PDZD8: variants seen among roughly 807,000 people sequenced by gnomAD.
PDZD8 encodes PDZ domain-containing protein 8.
A neutral mutation model predicts 85.8 loss-of-function variants in PDZD8; 14 were observed. The ratio of observed to expected loss-of-function variants is 0.16; its 90% confidence interval spans 0.11 to 0.26. The LOEUF is 0.26. Ranked by LOEUF, PDZD8 falls within the 10% of genes least tolerant of loss-of-function variation. The pLI, the probability that PDZD8 is intolerant of heterozygous loss-of-function variation, is 1.00. For missense variants in PDZD8, 1,197 were observed against 1,424.3 expected, an observed-to-expected ratio of 0.84 and a Z score of 2.57; for synonymous variants, 592 against 568.6, an observed-to-expected ratio of 1.04 and a Z score of -0.59.
At chr10:117,319,904 C>G (rs1040868367) in intron 2 of PDZD8, among the ~76,000 whole-genome samples, 12 of 151,944 alleles carry the variant, frequency 7.9e-5, no homozygotes, top group Non-Finnish European at 1.3e-4. Context: ...CTATGAAGAT[C>G]ATGAGGTAGT....
chr10:117,370,204 T>C (rs1845164578), intron 1 of PDZD8, among the ~76,000 whole-genome samples: 1 of 152,198 alleles, frequency 6.6e-6, no homozygotes, highest in African/African-American at 2.4e-5. Context: ...TCTGTAAACA[T>C]ATTGTCTACA....
At chr10:117,344,683 G>A (rs748930243) in intron 1 of PDZD8, among the ~76,000 whole-genome samples, 9 of 152,152 alleles carry the variant, frequency 5.9e-5, no homozygotes, top group East Asian at 3.9e-4. Context: ...CACCACGCCC[G>A]GCCACTCCAT....
At chr10:117,331,314 T>C (rs1440237481) in intron 2 of PDZD8, among the ~76,000 whole-genome samples, 1 of 152,256 alleles carries the variant, frequency 6.6e-6, no homozygotes, top group Non-Finnish European at 1.5e-5. Flanking sequence ...TATTATTTCA[T>C]TTAATTTTCA....
At chr10:117,338,762 G>A (rs1404546186) in intron 2 of PDZD8, among the ~76,000 whole-genome samples, 1 of 152,094 alleles carries the variant, frequency 6.6e-6, no homozygotes, top group Non-Finnish European at 1.5e-5. Context: ...AAGAATGTCT[G>A]GCTATACTTT....
chr10:117,342,347 C>G lies in PDZD8; in HGVS notation c.873-1245G>C, dbSNP rs146584082. On this transcript the variant is annotated intron_variant, in intron 1 of 4. Coordinates refer to ENST00000334464, the MANE Select transcript of PDZD8 (RefSeq NM_173791.5). ...ACATTGTCACTAGCCATGATATCTA[C>G]TTGCTCAGAAAGTTTTAGTGGCTTC... 1.8e-4 allele frequency among the ~76,000 whole-genome samples: 28 copies of G among 151,776 alleles called. No individual in the cohort carries two copies. In the East Asian group the frequency reaches 5.4e-3, roughly 29 times the overall value.
Position 117,280,313 on chromosome 10 carries a change from G to C in PDZD8, c.*2955C>G, listed in dbSNP as rs752192543. ...ATAGCCAAAGGAAACCCATAAACTTGATAATCCATAAGGAAACAATAGTAA... is the reference window on the plus strand; with the variant it reads ...ATAGCCAAAGGAAACCCATAAACTTCATAATCCATAAGGAAACAATAGTAA... On this transcript the variant is annotated 3_prime_UTR_variant, in exon 5 of 5. Transcript: ENST00000334464. 2.6e-5 allele frequency: 4 copies of C among 152,108 alleles called. No individual in the cohort carries two copies. Among genetic ancestry groups the C allele is most frequent in the Non-Finnish European group, 4.4e-5 (3 of 68,010 alleles). The allele number at this position is 152,108 out of a possible 1,614,324, so 9.4% of individuals were successfully genotyped here. A position where few individuals can be genotyped will look rare whatever the true frequency, so the allele number is the denominator to read the frequency against.
chr10:117,302,332 C>T (rs567853179), intron 3 of PDZD8, among the ~76,000 whole-genome samples: 1 of 152,288 alleles, frequency 6.6e-6, no homozygotes, highest in South Asian at 2.1e-4. Flanking sequence ...AACTGTCTTA[C>T]CAGCAAAGAG....
At chr10:117,330,392 G>A (rs770091943) in intron 2 of PDZD8, among the ~76,000 whole-genome samples, 2 of 152,168 alleles carry the variant, frequency 1.3e-5, no homozygotes, top group Non-Finnish European at 2.9e-5. Context: ...ATCTGCCTTT[G>A]AAATGAGTAC....
At chr10:117,290,047 A>C (rs1844729465) in intron 4 of PDZD8, 139 bp downstream of exon 4, 4 of 671,390 alleles carry the variant, frequency 6.0e-6, no homozygotes, top group Middle Eastern at 4.6e-4. Flanking sequence ...ATTTATAATA[A>C]AGTTTATTAC....
At chr10:117,363,407 T>C (rs1256046397) in intron 1 of PDZD8, among the ~76,000 whole-genome samples, 1 of 152,138 alleles carries the variant, frequency 6.6e-6, no homozygotes, top group African/African-American at 2.4e-5. Context: ...ATAGAGATTC[T>C]TGTAGCCAGC....
chr10:117,350,265 TTTC>T (rs1375095977), intron 1 of PDZD8, among the ~76,000 whole-genome samples: 3 of 114,178 alleles, frequency 2.6e-5, no homozygotes, highest in African/African-American at 4.6e-5. Context: ...TGTTTGTTTG[TTTC>T]TTTTTTTTTT....
At chr10:117,295,065 G>C (rs1843732004) in intron 3 of PDZD8, among the ~76,000 whole-genome samples, 1 of 151,996 alleles carries the variant, frequency 6.6e-6, no homozygotes, top group East Asian at 1.9e-4. Context: ...TTGATCACTT[G>C]AGCTGGGAAG....
intron 1 of PDZD8, among the ~76,000 whole-genome samples, chr10:117,366,955 C>A (rs1420623975): frequency 6.6e-6 from 1 of 152,198 alleles, no homozygotes; most frequent in African/African-American, 2.4e-5. Context: ...CCCCACCCTG[C>A]TCATATGATA....
chr10:117,326,690 G>T (rs894187693), intron 2 of PDZD8, among the ~76,000 whole-genome samples: 2 of 152,118 alleles, frequency 1.3e-5, no homozygotes, highest in African/African-American at 2.4e-5. Flanking sequence ...TGAACTAGTG[G>T]TCCCTTGCAT....
At chr10:117,312,051 T>C (rs1380652059) in intron 3 of PDZD8, among the ~76,000 whole-genome samples, 1 of 152,082 alleles carries the variant, frequency 6.6e-6, no homozygotes, top group Non-Finnish European at 1.5e-5. Context: ...TGGTCAAACC[T>C]AGCTGAAATA....
At chr10:117,367,777 T>A (rs975615175) in intron 1 of PDZD8, among the ~76,000 whole-genome samples, 6 of 151,224 alleles carry the variant, frequency 4.0e-5, no homozygotes, top group African/African-American at 1.5e-4. Context: ...CTACTAAAAA[T>A]AAAAAAATTA....
chr10:117,343,357 C>A (rs766230418), intron 1 of PDZD8, among the ~76,000 whole-genome samples: 2 of 152,104 alleles, frequency 1.3e-5, no homozygotes, highest in South Asian at 2.1e-4. Context: ...GAAAGCCCCC[C>A]GAGTTTCTCC....
chr10:117,331,566 G>A (rs55749162), intron 2 of PDZD8, among the ~76,000 whole-genome samples: 1,633 of 152,244 alleles, frequency 0.011, 15 homozygotes, highest in Non-Finnish European at 0.017. Flanking sequence ...GATTATCAAA[G>A]ACACAATCCT....
intron 3 of PDZD8, among the ~76,000 whole-genome samples, chr10:117,312,132 A>T (rs1225323977): frequency 6.6e-6 from 1 of 152,080 alleles, no homozygotes; most frequent in Non-Finnish European, 1.5e-5. Context: ...GAGGGCAAAC[A>T]AGCTAAGGTC....
Sources: gnomAD v4.1 joint callset for allele counts (sites outside exome capture counted in the v4.1 genomes callset) on GRCh38, gnomAD v4.1.1 for gene constraint, MANE v1.5 for transcripts, NCBI Gene and HGNC (gene_info 2026-07-23, HGNC 2026-07-21) for gene names.